The following DACH2 variants were observed in gnomAD, a reference collection of about 807,000 sequenced individuals.
DACH2 encodes the protein dachshund homolog 2.
DACH2 carries 17 observed loss-of-function variants against 35.8 expected under a neutral mutation model. The ratio of observed to expected loss-of-function variants is 0.48; its 90% CI spans 0.33 to 0.71. DACH2 has a LOEUF of 0.71. Among genes scored for constraint, DACH2 ranks in the 30% least tolerant of loss-of-function variants. The probability of loss-of-function intolerance (pLI) is 0.02; values close to 1 mark genes in which losing one functional copy is unlikely to be tolerated. For synonymous variants in DACH2, 195 were observed against 177.3 expected (o/e 1.10, Z -0.79); for missense variants, 469 against 472.7 (o/e 0.99, Z 0.07).
At chrX:86,516,086 T>A (rs986856937) in intron 3 of DACH2, among the ~76,000 whole-genome samples, 9 of 112,036 alleles carry the variant, frequency 8.0e-5, no homozygotes, top group African/African-American at 2.9e-4. Context: ...GGGAAGACAC[T>A]CAGGCTTTGA....
chrX:86,357,296 T>G (rs1192687797), intron 1 of DACH2, among the ~76,000 whole-genome samples: 2 of 112,455 alleles, frequency 1.8e-5, no homozygotes, highest in Admixed American at 1.9e-4. Flanking sequence ...ATCAAACTCC[T>G]GCTTTTGTTA....
intron 1 of DACH2, among the ~76,000 whole-genome samples, chrX:86,373,414 A>C (rs1569367545): frequency 9.0e-6 from 1 of 111,052 alleles, no homozygotes; most frequent in Non-Finnish European, 1.9e-5. Flanking sequence ...CTACTATCTA[A>C]ATATATATGT....
At chrX:86,652,802 T>G (rs2040492740) in intron 4 of DACH2, among the ~76,000 whole-genome samples, 1 of 112,201 alleles carries the variant, frequency 8.9e-6, no homozygotes, top group African/African-American at 3.2e-5. Flanking sequence ...TGTTTTTTGC[T>G]TGCACATTTG....
chrX:86,377,406 A>G (rs2035984584), intron 2 of DACH2, among the ~76,000 whole-genome samples: 1 of 111,389 alleles, frequency 9.0e-6, no homozygotes, highest in South Asian at 3.7e-4. Context: ...AATATTTTAA[A>G]CAAATATTTG....
At chrX:86,288,485 C>T (rs73238834) in intron 1 of DACH2, among the ~76,000 whole-genome samples, 39 of 112,088 alleles carry the variant, frequency 3.5e-4, no homozygotes, top group Admixed American at 7.5e-4. Flanking sequence ...TGAGCTCCCC[C>T]AGACGCCTGA....
intron 1 of DACH2, among the ~76,000 whole-genome samples, chrX:86,324,109 G>A (rs1267391319): frequency 8.9e-6 from 1 of 112,033 alleles, no homozygotes; most frequent in African/African-American, 3.2e-5. Flanking sequence ...TGAACTGCAT[G>A]AGGTTAGAAA....
chrX:86,536,657 A>G (rs1045075239), intron 3 of DACH2, among the ~76,000 whole-genome samples: 2 of 111,420 alleles, frequency 1.8e-5, no homozygotes, highest in Non-Finnish European at 3.8e-5. Context: ...GAATCCACCA[A>G]TGACCTGGAA....
chrX:86,170,312 T>G (rs758134653), intron 1 of DACH2, among the ~76,000 whole-genome samples: 1 of 111,664 alleles, frequency 9.0e-6, no homozygotes, highest in East Asian at 2.8e-4. Flanking sequence ...ACAGCACTGG[T>G]TCTTACCCAA....
chrX:86,266,596 C>G (rs1289362061), intron 1 of DACH2, among the ~76,000 whole-genome samples: 4 of 111,605 alleles, frequency 3.6e-5, no homozygotes, highest in African/African-American at 1.3e-4. Context: ...GATTTGGAGG[C>G]AGCATAATCT....
intron 7 of DACH2, among the ~76,000 whole-genome samples, chrX:86,768,685 G>A (rs2041959050): frequency 9.0e-6 from 1 of 110,752 alleles, no homozygotes; most frequent in South Asian, 3.8e-4. Flanking sequence ...AGCATGTGCA[G>A]GTTTCTTAAA....
chrX:86,393,321 A>G (rs1450947582), intron 2 of DACH2, among the ~76,000 whole-genome samples: 1 of 111,654 alleles, frequency 9.0e-6, no homozygotes, highest in African/African-American at 3.3e-5. Flanking sequence ...ATCATTCTAT[A>G]TATGCCTATC....
At chrX:86,267,103 T>C (rs2033727232) in intron 1 of DACH2, among the ~76,000 whole-genome samples, 4 of 112,337 alleles carry the variant, frequency 3.6e-5, no homozygotes, top group African/African-American at 9.7e-5. Flanking sequence ...GCTGTTGATT[T>C]GTAATAGTTG....
intron 2 of DACH2, among the ~76,000 whole-genome samples, chrX:86,409,790 G>A (rs1022052246): frequency 1.8e-5 from 2 of 112,289 alleles, no homozygotes; most frequent in African/African-American, 6.5e-5. Context: ...ATGTAGGAAT[G>A]AAAGTAAAAC....
intron 2 of DACH2, among the ~76,000 whole-genome samples, chrX:86,397,165 G>C (rs1348746545): frequency 2.7e-5 from 3 of 110,595 alleles, no homozygotes; most frequent in Non-Finnish European, 5.7e-5. Context: ...GTGAATGGGA[G>C]TTCACTCATG....
intron 6 of DACH2, among the ~76,000 whole-genome samples, chrX:86,734,728 A>G (rs1030228960): frequency 2.0e-4 from 22 of 111,163 alleles, no homozygotes; most frequent in African/African-American, 7.2e-4. Flanking sequence ...AACTTTCAGC[A>G]TAAAGTACTC....
intron 7 of DACH2, among the ~76,000 whole-genome samples, chrX:86,745,210 C>T (rs754555985): frequency 7.9e-4 from 88 of 111,279 alleles, no homozygotes; most frequent in Admixed American, 1.3e-3. Context: ...TTTTAACATC[C>T]TTTGGTCACA....
chrX:86,680,842 T>A (rs1455698936), intron 4 of DACH2, among the ~76,000 whole-genome samples: 1 of 108,323 alleles, frequency 9.2e-6, no homozygotes, highest in Non-Finnish European at 1.9e-5. Flanking sequence ...TTTGTAAACA[T>A]GGGGCTATGC....
chrX:86,615,311 A>C (rs2148372597), intron 3 of DACH2, among the ~76,000 whole-genome samples: 1 of 111,736 alleles, frequency 8.9e-6, no homozygotes, highest in Admixed American at 9.5e-5. Flanking sequence ...AATTATTATG[A>C]CAACACTGTG....
intron 4 of DACH2, among the ~76,000 whole-genome samples, chrX:86,677,242 T>C (rs1052781779): frequency 8.9e-6 from 1 of 111,991 alleles, no homozygotes; most frequent in Non-Finnish European, 1.9e-5. Context: ...TTAATATAAA[T>C]ATGTAAATTT....
Sources: allele counts gnomAD v4.1 joint callset (sites outside exome capture counted in the v4.1 genomes callset), GRCh38; gene constraint gnomAD v4.1.1; transcripts MANE v1.5; gene names NCBI Gene and HGNC (gene_info 2026-07-23, HGNC 2026-07-21).